MTF2: variants seen among roughly 807,000 people sequenced by gnomAD.
MTF2 encodes metal response element binding transcription factor 2.
MTF2 carries 11 observed loss-of-function variants against 79.5 expected under a neutral mutation model. The ratio of observed to expected loss-of-function variants is 0.14; its 90% CI spans 0.09 to 0.23. MTF2 has a LOEUF of 0.23. Among genes scored for constraint, MTF2 ranks in the 10% least tolerant of loss-of-function variants. MTF2 has a pLI of 1.00. For missense variants in MTF2, 486 were observed against 711.2 expected (o/e 0.68, Z 3.60); for synonymous variants, 208 against 232.8 (o/e 0.89, Z 0.97).
Position 93,110,191 on chromosome 1 carries a change from C to A in MTF2, c.6-39C>A, listed in dbSNP as rs555055570. Reference sequence around the variant, plus strand: ...TCCCACTGGTATAAAATAAGCTCTACAAGTAAGTCTTATGTATGGTCTTTT... The same window carrying A: ...TCCCACTGGTATAAAATAAGCTCTAAAAGTAAGTCTTATGTATGGTCTTTT... On this transcript the variant is annotated intron_variant, in intron 1 of 14. Transcript: ENST00000370298. 502 of 1,570,228 alleles carry A rather than the reference C, an allele frequency of 3.2e-4. 7 individuals carry two copies. In the South Asian group the frequency reaches 4.5e-3, roughly 14 times the overall value.
chr1:93,090,175 AC>A (rs1370575143), intron 1 of MTF2, among the ~76,000 whole-genome samples: 1 of 151,970 alleles, frequency 6.6e-6, no homozygotes, highest in Non-Finnish European at 1.5e-5. Context: ...ACGGGGTTTC[AC>A]CGTGTTAGAC....
At chr1:93,101,568 G>GTTTTTTTTT (rs71586778) in intron 1 of MTF2, among the ~76,000 whole-genome samples, 5,533 of 25,348 alleles carry the variant, frequency 0.22, 2,433 homozygotes, top group Middle Eastern at 0.33. Flanking sequence ...GCTCAGGCTG[G>GTTTTTTTTT]TTTTTTTTTT....
At chr1:93,113,059 T>C (rs1345680323) in intron 3 of MTF2, among the ~76,000 whole-genome samples, 1 of 152,078 alleles carries the variant, frequency 6.6e-6, no homozygotes, top group Non-Finnish European at 1.5e-5. Context: ...CCAGAAGCTA[T>C]GGGAGACCAC....
intron 1 of MTF2, among the ~76,000 whole-genome samples, chr1:93,094,390 T>C (rs1655196408): frequency 6.6e-6 from 1 of 152,208 alleles, no homozygotes; most frequent in African/African-American, 2.4e-5. Flanking sequence ...TCCTGACTTC[T>C]GTGGTGATTA....
At chr1:93,122,256 A>C (rs1183411858) in intron 9 of MTF2, among the ~76,000 whole-genome samples, 2 of 152,208 alleles carry the variant, frequency 1.3e-5, no homozygotes, top group Non-Finnish European at 2.9e-5. Flanking sequence ...TTAGCACTTC[A>C]TATGCAGATA....
At chr1:93,118,320 T>C (rs758686978) in intron 6 of MTF2, 25 bp from the exon 7 acceptor site, 4 of 1,514,476 alleles carry the variant, frequency 2.6e-6, no homozygotes, top group Non-Finnish European at 3.6e-6. Flanking sequence ...AATTTTAGTG[T>C]TAACTTTTTT....
At chr1:93,089,581 CAA>C (rs2101022832) in intron 1 of MTF2, among the ~76,000 whole-genome samples, 2 of 152,258 alleles carry the variant, frequency 1.3e-5, no homozygotes, top group East Asian at 3.9e-4. Flanking sequence ...TGGAGCCTCT[CAA>C]GAGTGCAGTG....
At chr1:93,099,821 A>G (rs116624932) in intron 1 of MTF2, among the ~76,000 whole-genome samples, 1 of 152,206 alleles carries the variant, frequency 6.6e-6, no homozygotes, top group African/African-American at 2.4e-5. Context: ...TGAAATTATC[A>G]TTGACAGTTT....
intron 1 of MTF2, among the ~76,000 whole-genome samples, chr1:93,084,966 A>G (rs532546380): frequency 1.3e-5 from 2 of 152,300 alleles, no homozygotes; most frequent in East Asian, 1.9e-4. Context: ...ACTTTCTCCT[A>G]TCCTCATTTA....
Position 93,079,373 on chromosome 1 carries a change from T to C in MTF2, c.-154T>C, listed in dbSNP as rs1571207145. ...GAACGCTCATTCTACCCCCAACCCT[T>C]GTCTCCAAGGACCTCGGTTTGTGCG... On this transcript the variant is annotated 5_prime_UTR_variant, in exon 1 of 15. Transcript: ENST00000370298. The C allele has an allele frequency of 1.1e-6, 1 of 877,188 alleles. No homozygotes were observed. The highest frequency in any genetic ancestry group is 1.9e-6 in the Non-Finnish European group (1 of 534,606). The allele number at this position is 877,188 out of a possible 1,614,324, so 54.3% of individuals were successfully genotyped here.
In MTF2 at chr1:93,110,416, C is replaced by G; in HGVS notation, c.192C>G (p.Gly64=). The change falls in exon 2 of 15, where the codon GGC becomes GGG. Residue 64 remains glycine, a synonymous_variant. Coordinates refer to ENST00000370298, the MANE Select transcript of MTF2 (RefSeq NM_007358.4). ...ARWSDGLFYL[G]TIKKINILKQ... is the part of the protein sequence containing the mutation. Reference sequence around the variant, plus strand: ...GGTCAGATGGCTTGTTTTATCTTGGCACTATCAAAAAGGCAAGTTACTTTA... The same window carrying G: ...GGTCAGATGGCTTGTTTTATCTTGGGACTATCAAAAAGGCAAGTTACTTTA... 2 of 1,614,106 alleles carry G rather than the reference C, an allele frequency of 1.2e-6. No individual in the cohort carries two copies. The highest frequency in any genetic ancestry group is 1.7e-6 in the Non-Finnish European group (2 of 1,179,976).
intron 14 of MTF2, among the ~76,000 whole-genome samples, chr1:93,135,812 A>G (rs980744698): frequency 6.6e-6 from 1 of 152,198 alleles, no homozygotes; most frequent in Non-Finnish European, 1.5e-5. Flanking sequence ...CCTTGTCTCA[A>G]ACAAACAAAA....
intron 1 of MTF2, among the ~76,000 whole-genome samples, chr1:93,109,301 T>G (rs1029421165): frequency 6.6e-6 from 1 of 152,142 alleles, no homozygotes; most frequent in Non-Finnish European, 1.5e-5. Flanking sequence ...ATTTTTTTCC[T>G]TTAAGTACTC....
rs1320415321 is a variant in MTF2, at chr1:93,123,262, CT to C, written c.921+2603del. 4.8e-3 allele frequency among the ~76,000 whole-genome samples: 330 copies of C among 68,928 alleles called. 1 individual carries two copies. The highest frequency in any genetic ancestry group is 5.4e-3 in the Admixed American group (36 of 6,692). The allele number at this position is 68,928 out of a possible 152,430, so 45.2% of individuals were successfully genotyped here. On this transcript the variant is annotated intron_variant, in intron 9 of 14. Coordinates refer to ENST00000370298, the MANE Select transcript of MTF2 (RefSeq NM_007358.4). ...ACAGGACAGGAGAGTCTCTCTCTCT[CT>C]TTTTTTTTTTTTAAGAGACCCTTGC... is the stretch of plus-strand genomic sequence containing the variant.
At chr1:93,113,687 GGA>G in intron 3 of MTF2, among the ~76,000 whole-genome samples, 1 of 152,102 alleles carries the variant, frequency 6.6e-6, no homozygotes, top group Non-Finnish European at 1.5e-5. Context: ...ATCTCGTAGT[GGA>G]GAGAACATGG....
At chr1:93,084,852 G>A (rs1654771070) in intron 1 of MTF2, among the ~76,000 whole-genome samples, 1 of 152,066 alleles carries the variant, frequency 6.6e-6, no homozygotes, top group African/African-American at 2.4e-5. Flanking sequence ...ACTCCAGCCT[G>A]GGTGACAGAG....
In MTF2 at chr1:93,092,025, C is replaced by T. The variant is rs149542248; in HGVS notation, c.5+12494C>T. 3.6e-3 allele frequency among the ~76,000 whole-genome samples: 541 copies of T among 152,244 alleles called. 5 individuals are homozygous for T. Among genetic ancestry groups the T allele is most frequent in the Admixed American group, 5.4e-3 (82 of 15,284 alleles). The stretch of plus-strand genomic sequence containing the variant: ...TTTTTCTTTGGTAATTTTTTCCCCA[C>T]CTTTTTTCTGTTTTCATGTGCTGGA... On this transcript the variant is annotated intron_variant, in intron 1 of 14. Coordinates refer to ENST00000370298, the MANE Select transcript of MTF2 (RefSeq NM_007358.4).
chr1:93,093,220 T>G (rs191826225), intron 1 of MTF2, among the ~76,000 whole-genome samples: 3 of 152,234 alleles, frequency 2.0e-5, no homozygotes, highest in Non-Finnish European at 4.4e-5. Flanking sequence ...AAATACTTGT[T>G]AGCTGTTATT....
rs1262640031 is a variant in MTF2 at position 93,138,815 on chromosome 1, A to T, written c.*1788A>T. ...ATGTAAATCCCGTGTATCCTTATTCACTCCACCTGTATCATATTATTTCAT... is the reference window on the plus strand; with the variant it reads ...ATGTAAATCCCGTGTATCCTTATTCTCTCCACCTGTATCATATTATTTCAT... On this transcript the variant is annotated 3_prime_UTR_variant, in exon 15 of 15. Transcript: ENST00000370298. The T allele has an allele frequency of 1.3e-5, 2 of 152,006 alleles. No homozygotes were observed. The highest frequency in any genetic ancestry group is 4.8e-5 in the African/African-American group (2 of 41,352). The allele number at this position is 152,006 out of a possible 1,614,324, so 9.4% of individuals were successfully genotyped here.
Sources: allele counts gnomAD v4.1 joint callset (sites outside exome capture counted in the v4.1 genomes callset), GRCh38; gene constraint gnomAD v4.1.1; transcripts MANE v1.5; gene names NCBI Gene and HGNC (gene_info 2026-07-23, HGNC 2026-07-21).